RADX: variants seen among roughly 807,000 people sequenced by gnomAD.
The protein encoded by RADX is RPA-related protein RADX.
In RADX, 36 loss-of-function variants were observed where a neutral mutation model predicts 61.6. The observed-to-expected ratio is 0.58, with a 90% CI of 0.45 to 0.77. The LOEUF (loss-of-function observed/expected upper bound fraction) is 0.77. Among genes scored for constraint, RADX ranks in the 30% least tolerant of loss-of-function variants. RADX has a pLI of 0.00. For synonymous variants in RADX, 272 were observed against 237.9 expected (o/e 1.14, Z -1.32); for missense variants, 497 against 651.1 (o/e 0.76, Z 2.58).
Position 106,632,683 on chromosome X carries a change from G to A in RADX, c.1038G>A (p.Gln346=). Reference sequence around the variant, plus strand: ...ATATAATTATCATTCCAGAAAAGCAGGTGAAACCAGAATGGAGACTGCCAA... The same window carrying A: ...ATATAATTATCATTCCAGAAAAGCAAGTGAAACCAGAATGGAGACTGCCAA... ...PTNIIIIPEK[Q]VKPEWRLPKL... The change falls in exon 4 of 14, where the codon CAG becomes CAA. Residue 346 remains glutamine, a synonymous_variant. Coordinates refer to ENST00000372548, the MANE Select transcript of RADX (RefSeq NM_018015.6). The A allele has an allele frequency of 8.3e-7, 1 of 1,201,702 alleles. No homozygotes were observed. Among genetic ancestry groups the A allele is most frequent in the Non-Finnish European group, 1.1e-6 (1 of 888,446 alleles).
At chrX:106,625,769 T>C (rs950033957) in intron 3 of RADX, among the ~76,000 whole-genome samples, 2 of 111,019 alleles carry the variant, frequency 1.8e-5, no homozygotes, top group Non-Finnish European at 3.8e-5. Context: ...TCTTCATACA[T>C]ATACATATCT....
chrX:106,640,433 G>T, intron 9 of RADX, 119 bp from the exon 10 acceptor site: 1 of 452,540 alleles, frequency 2.2e-6, no homozygotes, highest in Non-Finnish European at 3.7e-6. Flanking sequence ...GCACTGTTAT[G>T]ATTGAAGTTT....
chrX:106,671,174 T>C (rs1394169771), intron 13 of RADX, among the ~76,000 whole-genome samples: 1 of 111,953 alleles, frequency 8.9e-6, no homozygotes, highest in East Asian at 2.8e-4. Flanking sequence ...GCTCTCTCTC[T>C]TTCTCGAATA....
At chrX:106,672,139 A>G (rs757823822) in intron 13 of RADX, among the ~76,000 whole-genome samples, 60 of 112,058 alleles carry the variant, frequency 5.4e-4, no homozygotes, top group Middle Eastern at 4.6e-3. Context: ...TTGCGATAAA[A>G]CATACAGGTC....
At chrX:106,656,902 A>G (rs1191168863) in intron 11 of RADX, among the ~76,000 whole-genome samples, 1 of 111,744 alleles carries the variant, frequency 8.9e-6, no homozygotes, top group Non-Finnish European at 1.9e-5. Flanking sequence ...TGGAATGGTA[A>G]ATGAGCATTG....
intron 13 of RADX, among the ~76,000 whole-genome samples, chrX:106,674,036 G>T (rs769941138): frequency 4.5e-5 from 5 of 111,048 alleles, no homozygotes; most frequent in Non-Finnish European, 7.5e-5. Flanking sequence ...GCACCGGGGT[G>T]GGGGGTGGTA....
At chrX:106,630,186 G>A (rs1203918407) in intron 3 of RADX, among the ~76,000 whole-genome samples, 2 of 110,459 alleles carry the variant, frequency 1.8e-5, no homozygotes, top group Non-Finnish European at 3.8e-5. Context: ...TTATCCAGTT[G>A]TGGTGGCATG....
chrX:106,636,389 A>C (rs755051585), intron 6 of RADX, among the ~76,000 whole-genome samples, 154 bp from the exon 7 acceptor site: 2 of 112,213 alleles, frequency 1.8e-5, no homozygotes, highest in Non-Finnish European at 3.8e-5. Flanking sequence ...CTCAGGCCCC[A>C]CCCTAGACCT....
chrX:106,648,272 C>CT, intron 10 of RADX, 41 bp from the exon 11 acceptor site: 3 of 875,471 alleles, frequency 3.4e-6, no homozygotes, highest in Non-Finnish European at 4.9e-6. Flanking sequence ...ATTTGAGACT[C>CT]TTTTTATAAG....
intron 13 of RADX, among the ~76,000 whole-genome samples, chrX:106,670,463 G>A (rs73247949): frequency 1.3e-3 from 139 of 110,114 alleles, no homozygotes; most frequent in Non-Finnish European, 2.4e-3. Context: ...TCTTCCAGTA[G>A]TCACTAACAT....
intron 1 of RADX, among the ~76,000 whole-genome samples, chrX:106,617,215 G>A (rs1190909099): frequency 7.4e-5 from 8 of 107,932 alleles, no homozygotes; most frequent in African/African-American, 2.7e-4. Context: ...CAATAGAGAC[G>A]GGGTTTCACC....
chrX:106,622,904 A>G (rs1926987640), intron 2 of RADX, 111 bp downstream of exon 2: 1 of 406,872 alleles, frequency 2.5e-6, no homozygotes, highest in Non-Finnish European at 4.1e-6. Context: ...CATAAGTTCA[A>G]TGTAATAATT....
chrX:106,668,687 G>A (rs976251115), intron 12 of RADX, among the ~76,000 whole-genome samples: 8 of 111,294 alleles, frequency 7.2e-5, no homozygotes, highest in African/African-American at 9.8e-5. Flanking sequence ...GTGAGTGTGC[G>A]AACCTTGTCT....
chrX:106,644,382 A>G (rs1032390391), intron 10 of RADX, among the ~76,000 whole-genome samples: 10 of 111,297 alleles, frequency 9.0e-5, no homozygotes, highest in African/African-American at 3.3e-4. Flanking sequence ...GTTTTTCCCC[A>G]TTAAGTATGA....
At chrX:106,677,787 A>G (rs941975369) in intron 13 of RADX, among the ~76,000 whole-genome samples, 6 of 111,449 alleles carry the variant, frequency 5.4e-5, no homozygotes, top group Non-Finnish European at 1.1e-4. Context: ...CCTTTGAAGT[A>G]TACCAATAAG....
intron 12 of RADX, among the ~76,000 whole-genome samples, chrX:106,667,342 G>A (rs1390325030): frequency 1.8e-5 from 2 of 110,855 alleles, no homozygotes; most frequent in East Asian, 5.7e-4. Context: ...TTTGAGACAG[G>A]TTACCACTCT....
chrX:106,630,607 AT>A (rs1284619520), intron 3 of RADX, among the ~76,000 whole-genome samples: 1 of 111,627 alleles, frequency 9.0e-6, no homozygotes, highest in Non-Finnish European at 1.9e-5. Flanking sequence ...CAGAGAAAAA[AT>A]AACACAAAGT....
chrX:106,617,600 A>G (rs1331039553), intron 1 of RADX, among the ~76,000 whole-genome samples: 1 of 111,698 alleles, frequency 9.0e-6, no homozygotes, highest in Non-Finnish European at 1.9e-5. Context: ...TGAGTTTTAC[A>G]CTTTATCAAT....
intron 10 of RADX, among the ~76,000 whole-genome samples, chrX:106,646,742 T>TA (rs1469910657): frequency 1.8e-5 from 2 of 111,490 alleles, no homozygotes; most frequent in Non-Finnish European, 3.8e-5. Context: ...ATGGGACTAA[T>TA]AAAAAACTAT....
Sources: allele counts gnomAD v4.1 joint callset (sites outside exome capture counted in the v4.1 genomes callset), GRCh38; gene constraint gnomAD v4.1.1; transcripts MANE v1.5; gene names NCBI Gene and HGNC (gene_info 2026-07-23, HGNC 2026-07-21).